The following ACOXL variants were observed in gnomAD, a reference collection of about 807,000 sequenced individuals.
ACOXL encodes the protein acyl-CoA oxidase like, also known as acyl-coenzyme A oxidase-like protein.
ACOXL carries 70 observed loss-of-function variants against 71.9 expected under a neutral mutation model. That is an observed-to-expected ratio of 0.97 (90% CI 0.80 to 1.19). ACOXL has a LOEUF of 1.19. ACOXL is among the 50% of genes most tolerant of loss of function. The probability of loss-of-function intolerance (pLI) is 0.00; values close to 1 mark genes in which losing one functional copy is unlikely to be tolerated. For missense variants in ACOXL, 703 were observed against 736.3 expected (o/e 0.95, Z 0.52); for synonymous variants, 253 against 281.6 (o/e 0.90, Z 1.02).
chr2:110,915,340 A>G (rs551698899), intron 11 of ACOXL, among the ~76,000 whole-genome samples: 44 of 124,190 alleles, frequency 3.5e-4, no homozygotes, highest in African/African-American at 1.2e-3. Flanking sequence ...TGCATTTTAT[A>G]TATATATATA....
At chr2:110,968,797 C>G (rs1440809665) in intron 12 of ACOXL, 5 of 295,600 alleles carry the variant, frequency 1.7e-5, no homozygotes, top group Non-Finnish European at 2.9e-5. Flanking sequence ...AAAAAAAGAA[C>G]TGAAAAACAT....
intron 9 of ACOXL, among the ~76,000 whole-genome samples, chr2:110,821,458 A>C (rs889219099): frequency 6.6e-6 from 1 of 152,064 alleles, no homozygotes; most frequent in Non-Finnish European, 1.5e-5. Context: ...GTGGAGGGAG[A>C]ACCCTTCTCT....
At position 110,793,652 on chromosome 2, in the gene ACOXL, C is replaced by T. The variant is rs771732982; in HGVS notation, c.162C>T (p.Cys54=). The T allele has an allele frequency of 3.3e-5, 53 of 1,613,404 alleles. No homozygotes were observed. Among genetic ancestry groups the T allele is most frequent in the Admixed American group, 6.7e-5 (4 of 59,994 alleles). ...SMADMATGVK[C]GIIYWLFGGA... is the part of the protein sequence containing the mutation. ...GTTTGTATTGTCCTTGTTTCCAGTG[C>T]GGAATAATTTATTGGCTATTTGGTG... Residue 54 remains cysteine (C), a splice_region_variant and synonymous_variant, in exon 4 of 18, where the codon TGC becomes TGT. Transcript: ENST00000439055.
At chr2:110,888,240 G>T (rs2149130580) in intron 10 of ACOXL, among the ~76,000 whole-genome samples, 1 of 152,320 alleles carries the variant, frequency 6.6e-6, no homozygotes, top group African/African-American at 2.4e-5. Context: ...AACTGGAAGG[G>T]ACGGGAAGTG....
At chr2:110,734,862 A>T (rs907661458) in intron 1 of ACOXL, among the ~76,000 whole-genome samples, 3 of 129,986 alleles carry the variant, frequency 2.3e-5, no homozygotes, top group Admixed American at 8.4e-5. Context: ...CTGTGTGACC[A>T]TTGTCCTGGA....
At chr2:110,807,994 G>A (rs1686878612) in intron 9 of ACOXL, among the ~76,000 whole-genome samples, 1 of 152,048 alleles carries the variant, frequency 6.6e-6, no homozygotes, top group Non-Finnish European at 1.5e-5. Flanking sequence ...CATTTCCATG[G>A]CATTCCTTGG....
At chr2:110,965,143 C>T (rs556306385) in intron 12 of ACOXL, among the ~76,000 whole-genome samples, 1 of 152,286 alleles carries the variant, frequency 6.6e-6, no homozygotes, top group East Asian at 1.9e-4. Context: ...CATGTAGCTG[C>T]AAATGAAATG....
intron 12 of ACOXL, among the ~76,000 whole-genome samples, chr2:110,948,004 A>C (rs2061171951): frequency 6.6e-6 from 1 of 152,254 alleles, no homozygotes; most frequent in Non-Finnish European, 1.5e-5. Flanking sequence ...TCTCCACAGC[A>C]GGACTTTGTC....
intron 11 of ACOXL, among the ~76,000 whole-genome samples, chr2:110,913,424 GA>G (rs2059719464): frequency 6.6e-6 from 1 of 152,158 alleles, no homozygotes; most frequent in Non-Finnish European, 1.5e-5. Context: ...ATTTGGCAAT[GA>G]AAAAGAATGA....
At chr2:110,940,187 C>T (rs1238004135) in intron 12 of ACOXL, among the ~76,000 whole-genome samples, 1 of 152,170 alleles carries the variant, frequency 6.6e-6, no homozygotes, top group Non-Finnish European at 1.5e-5. Flanking sequence ...AAAAGCAAGT[C>T]ATGATACAGT....
chr2:110,999,910 G>A (rs1364278033), intron 14 of ACOXL, among the ~76,000 whole-genome samples: 1 of 152,142 alleles, frequency 6.6e-6, no homozygotes, highest in Non-Finnish European at 1.5e-5. Context: ...AGCAGCTTCT[G>A]GATTCCCAGG....
At position 111,068,023 on chromosome 2, in the gene ACOXL, C is replaced by T. The variant is rs554427446; in HGVS notation, c.1440+18735C>T. Reference sequence around the variant, plus strand: ...TGGGAGAATAAAAAATCATGGGGTCCCCAGGGCCTGACACCTAAAAAATAC... The same window carrying T: ...TGGGAGAATAAAAAATCATGGGGTCTCCAGGGCCTGACACCTAAAAAATAC... On this transcript the variant is annotated intron_variant, in intron 16 of 17. Coordinates refer to ENST00000439055, the MANE Select transcript of ACOXL (RefSeq NM_001142807.4). Among the ~76,000 whole-genome samples the T allele has an allele frequency of 3.3e-5, 5 of 152,190 alleles. No individual in the cohort carries two copies. In the South Asian group the frequency reaches 1.0e-3, roughly 32 times the overall value.
In ACOXL at chr2:110,879,564, A is replaced by G. The variant is rs150060723; in HGVS notation, c.789-29225A>G. On this transcript the variant is annotated intron_variant, in intron 10 of 17. Coordinates refer to ENST00000439055, the MANE Select transcript of ACOXL (RefSeq NM_001142807.4). ...AGAATGAGATGGGTTGCAAGAAGACATGAACAGATAAATTGATTAACATGT... is the reference window on the plus strand; with the variant it reads ...AGAATGAGATGGGTTGCAAGAAGACGTGAACAGATAAATTGATTAACATGT... Among the ~76,000 whole-genome samples, 14 of 152,364 alleles carry G rather than the reference A, an allele frequency of 9.2e-5. No individual in the cohort carries two copies. In the East Asian group the frequency reaches 2.7e-3, roughly 29 times the overall value.
intron 17 of ACOXL, among the ~76,000 whole-genome samples, chr2:111,110,041 C>T (rs757533957): frequency 3.3e-5 from 5 of 152,104 alleles, no homozygotes; most frequent in Non-Finnish European, 4.4e-5. Context: ...CCATTAATTC[C>T]GGTAACTGGT....
chr2:110,823,587 AAT>A (rs1273457275), intron 9 of ACOXL, among the ~76,000 whole-genome samples: 5 of 152,202 alleles, frequency 3.3e-5, no homozygotes, highest in Non-Finnish European at 7.3e-5. Context: ...ACCAGCAATT[AAT>A]GAGAGAGTGC....
At chr2:110,793,759 G>C in intron 4 of ACOXL, 23 bp downstream of exon 4, 1 of 1,583,474 alleles carries the variant, frequency 6.3e-7, no homozygotes, top group East Asian at 2.2e-5. Context: ...CCTCAACATT[G>C]GTCTTCTATG....
chr2:111,080,874 A>C (rs909422048), intron 16 of ACOXL, among the ~76,000 whole-genome samples: 1 of 152,244 alleles, frequency 6.6e-6, no homozygotes, highest in Non-Finnish European at 1.5e-5. Flanking sequence ...AACACATACA[A>C]ATCAACAAAC....
intron 16 of ACOXL, among the ~76,000 whole-genome samples, chr2:111,068,309 C>T (rs984948855): frequency 2.0e-5 from 3 of 152,180 alleles, no homozygotes; most frequent in African/African-American, 4.8e-5. Context: ...AGCACGGGGG[C>T]GTGACCTGGG....
At chr2:110,998,828 G>A (rs2063502377) in intron 14 of ACOXL, among the ~76,000 whole-genome samples, 1 of 152,092 alleles carries the variant, frequency 6.6e-6, no homozygotes, top group South Asian at 2.1e-4. Flanking sequence ...AAATGAAAGA[G>A]GTTTCAATCC....
Sources: gnomAD v4.1 joint callset for allele counts (sites outside exome capture counted in the v4.1 genomes callset) on GRCh38, gnomAD v4.1.1 for gene constraint, MANE v1.5 for transcripts, NCBI Gene and HGNC (gene_info 2026-07-23, HGNC 2026-07-21) for gene names.